AGA: variants seen among roughly 807,000 people sequenced by gnomAD.
AGA encodes the protein N(4)-(beta-N-acetylglucosaminyl)-L-asparaginase.
AGA carries 31 observed loss-of-function variants against 40.1 expected under a neutral mutation model. That is an observed-to-expected ratio of 0.77 (90% confidence interval 0.58 to 1.04). The LOEUF is 1.04. Among genes scored for constraint, AGA ranks in the 50% least tolerant of loss-of-function variants. The pLI, the probability that AGA is intolerant of heterozygous loss-of-function variation, is 0.00. For synonymous variants in AGA, 148 were observed against 144.0 expected, an observed-to-expected ratio of 1.03 and a Z score of -0.20; for missense variants, 445 against 435.4, an observed-to-expected ratio of 1.02 and a Z score of -0.20.
At chr4:177,435,844 C>T (rs1041047779) in intron 6 of AGA, among the ~76,000 whole-genome samples, 14 of 27,858 alleles carry the variant, frequency 5.0e-4, no homozygotes, top group African/African-American at 1.0e-3. Context: ...AGTAGTTCTG[C>T]GTGCACGCAC....
Position 177,433,240 on chromosome 4 carries a change from A to T in AGA, c.914T>A (p.Ile305Lys), listed in dbSNP as rs373616948. The change falls in exon 8 of 9, where the codon ATA becomes AAA. Residue 305 changes from isoleucine (I) to lysine (K), a missense_variant. Coordinates refer to ENST00000264595, the MANE Select transcript of AGA (RefSeq NM_000027.4). ...GTAACTTCCAGTCACATTGGCACAT[A>T]TAACAGCCCCAAAGAATTCTGGAAA... ...KHFPEFFGAVICANVTGSYGA... is the reference protein window; with the variant it reads ...KHFPEFFGAVKCANVTGSYGA... The T allele has an allele frequency of 9.9e-6, 16 of 1,614,024 alleles. No homozygotes were observed. Among genetic ancestry groups the T allele is most frequent in the Non-Finnish European group, 1.3e-5 (15 of 1,180,002 alleles).
chr4:177,439,658 A>C lies in AGA; in HGVS notation c.312T>G (p.Asp104Glu), dbSNP rs1463151836. The C allele has an allele frequency of 6.2e-6, 10 of 1,610,782 alleles. No homozygotes were observed. The Admixed American group carries it at 1.5e-4, about 24-fold the overall frequency. The change falls in exon 3 of 9, where the codon GAT becomes GAG. Residue 104 changes from aspartate (D) to glutamate (E), a missense_variant. Coordinates refer to ENST00000264595, the MANE Select transcript of AGA (RefSeq NM_000027.4). ...GTTMDVGAVG[D>E]LRRIKNAIGV... ...CAATAGCATTTTTAATTCGTCTGAG[A>C]TCTCCTACTGCTCCTACATCCATAG...
chr4:177,435,943 AAC>A (rs916404197), intron 6 of AGA, among the ~76,000 whole-genome samples: 126 of 151,958 alleles, frequency 8.3e-4, no homozygotes, highest in African/African-American at 2.4e-4. Flanking sequence ...GGGAGCCCTG[AAC>A]ACACACACAC....
At chr4:177,437,993 T>G (rs1736879508) in intron 4 of AGA, among the ~76,000 whole-genome samples, 1 of 152,222 alleles carries the variant, frequency 6.6e-6, no homozygotes, top group South Asian at 2.1e-4. Flanking sequence ...AAGTTGTGCT[T>G]TAAGATTCCT....
In AGA at chr4:177,430,991, A is replaced by G. The variant is rs1382216293; in HGVS notation, c.*717T>C. On this transcript the variant is annotated 3_prime_UTR_variant, in exon 9 of 9. Transcript: ENST00000264595. The stretch of plus-strand genomic sequence containing the variant: ...CAAGGAATTAGTAAAATTACAGTAC[A>G]GATCAAGTTCCCCAAATCATTTTTA... The G allele has an allele frequency of 4.4e-6, 2 of 453,988 alleles. No homozygotes were observed. Among genetic ancestry groups the G allele is most frequent in the Non-Finnish European group, 8.8e-6 (2 of 226,790 alleles). The allele number at this position is 453,988 out of a possible 1,614,324, so 28.1% of individuals were successfully genotyped here.
chr4:177,432,307 C>G (rs768852050), intron 8 of AGA, among the ~76,000 whole-genome samples: 1 of 152,092 alleles, frequency 6.6e-6, no homozygotes, highest in Non-Finnish European at 1.5e-5. Context: ...GGAGGGTCCT[C>G]TTTGGTCATT....
intron 8 of AGA, among the ~76,000 whole-genome samples, chr4:177,432,459 T>C (rs1736662282): frequency 6.6e-6 from 1 of 152,212 alleles, no homozygotes; most frequent in African/African-American, 2.4e-5. Flanking sequence ...ATTTGATACA[T>C]AAAGCTTTTC....
At position 177,431,025 on chromosome 4, in the gene AGA, G is replaced by A. The variant is rs754218986; in HGVS notation, c.*683C>T. On this transcript the variant is annotated 3_prime_UTR_variant, in exon 9 of 9. Transcript: ENST00000264595. ...TCCCCAAATCATTTTTAAAAGAAAC[G>A]ATCAATACTAAATATTAGCAGCTAA... is the stretch of plus-strand genomic sequence containing the variant. The A allele has an allele frequency of 4.0e-5, 18 of 453,798 alleles. No homozygotes were observed. Among genetic ancestry groups the A allele is most frequent in the South Asian group, 7.8e-5 (5 of 64,470 alleles). 28.1% of individuals were successfully genotyped at this position (453,798 alleles called of 1,614,324 possible).
rs750098973 is a variant in AGA, at chr4:177,440,396, G to A, written c.158C>T (p.Ala53Val). Residue 53 changes from alanine to valine, a missense_variant, in exon 2 of 9, where the codon GCC (alanine) becomes GTC (valine). By Grantham distance (64) the Ala-to-Val change is moderately conservative (BLOSUM62 0). Coordinates refer to ENST00000264595, the MANE Select transcript of AGA (RefSeq NM_000027.4). ...AWRALASGGS[A>V]LDAVESGCAM... Reference sequence around the variant, plus strand: ...ACAGCCGCTCTCCACTGCATCCAGGGCAGAGCCTCCAGATGCTAATGCCCT... The same window carrying A: ...ACAGCCGCTCTCCACTGCATCCAGGACAGAGCCTCCAGATGCTAATGCCCT... 6.2e-7 allele frequency: 1 copy of A among 1,613,938 alleles called. No individual in the cohort carries two copies. Among genetic ancestry groups the A allele is most frequent in the Non-Finnish European group, 8.5e-7 (1 of 1,180,014 alleles).
In AGA at chr4:177,431,342, TA is replaced by T. The variant is rs1736625869; in HGVS notation, c.*365del. The T allele has an allele frequency of 6.7e-6, 3 of 449,466 alleles. No homozygotes were observed. Among genetic ancestry groups the T allele is most frequent in the Non-Finnish European group, 1.3e-5 (3 of 227,330 alleles). 27.8% of individuals were successfully genotyped at this position (449,466 alleles called of 1,614,324 possible). On this transcript the variant is annotated 3_prime_UTR_variant, in exon 9 of 9. Coordinates refer to ENST00000264595, the MANE Select transcript of AGA (RefSeq NM_000027.4). ...TTTTTCTTTGGGTCTAAAAAACTTG[TA>T]TACTCTATTTTAAGCATCCAAATAT... is the stretch of plus-strand genomic sequence containing the variant.
At chr4:177,433,732 G>A (rs2279932) in intron 7 of AGA, among the ~76,000 whole-genome samples, 76,744 of 152,032 alleles carry the variant, frequency 0.5, 21,958 homozygotes, top group Non-Finnish European at 0.66. Context: ...GGTGGTTAAA[G>A]GTACACGATG....
At chr4:177,442,082 T>C (rs1737039343) in intron 1 of AGA, among the ~76,000 whole-genome samples, 167 bp downstream of exon 1, 1 of 152,132 alleles carries the variant, frequency 6.6e-6, no homozygotes, top group Non-Finnish European at 1.5e-5. Context: ...TGCAAGAGAC[T>C]GAGCGGCGCT....
chr4:177,440,494 C>T, intron 1 of AGA, 68 bp from the exon 2 acceptor site: 1 of 1,531,024 alleles, frequency 6.5e-7, no homozygotes, highest in Non-Finnish European at 8.9e-7. Flanking sequence ...ATGCAACAAA[C>T]CAACTCCAAT....
chr4:177,434,039 A>G (rs948224942), intron 7 of AGA, among the ~76,000 whole-genome samples: 21 of 152,106 alleles, frequency 1.4e-4, no homozygotes, highest in Admixed American at 3.3e-4. Flanking sequence ...TGTTGCCCAC[A>G]CTGGAGTGCA....
At chr4:177,432,570 A>G (rs532248187) in intron 8 of AGA, among the ~76,000 whole-genome samples, 2 of 152,336 alleles carry the variant, frequency 1.3e-5, no homozygotes, top group South Asian at 4.1e-4. Context: ...GAAGTAAAAG[A>G]TCAAAGAACA....
rs1482369849 is a variant in AGA at position 177,438,802 on chromosome 4, A to C, written c.450T>G (p.Ala150=). The part of the protein sequence containing the change: ...GFINEDLSTT[A]SQALHSDWLA... Reference sequence around the variant, plus strand: ...GCCAATCTGAATGAAGAGCTTGAGAAGCAGTGGTAGATAAGTCTTCATTGA... The same window carrying C: ...GCCAATCTGAATGAAGAGCTTGAGACGCAGTGGTAGATAAGTCTTCATTGA... Residue 150 remains alanine, a synonymous_variant, in exon 4 of 9, where the codon GCT becomes GCG. Coordinates refer to ENST00000264595, the MANE Select transcript of AGA (RefSeq NM_000027.4). 4.3e-6 allele frequency: 7 copies of C among 1,612,246 alleles called. No individual in the cohort carries two copies. The highest frequency in any genetic ancestry group is 5.9e-6 in the Non-Finnish European group (7 of 1,178,236).
rs1736934298 is a variant in AGA at position 177,439,690 on chromosome 4, T to C, written c.282-2A>G. On this transcript the variant is annotated splice_acceptor_variant, in intron 2 of 8. Transcript: ENST00000264595. LOFTEE classifies it high-confidence loss of function. ...ACTGCTCCTACATCCATAGTAGTGC[T>C]GCAAGAAAATAGAATGCAGTTAGGA... 1 of 1,593,332 alleles carries C rather than the reference T, an allele frequency of 6.3e-7. No individual in the cohort carries two copies. Among genetic ancestry groups the C allele is most frequent in the Non-Finnish European group, 8.6e-7 (1 of 1,162,084 alleles).
At chr4:177,441,663 A>G (rs2111025671) in intron 1 of AGA, among the ~76,000 whole-genome samples, 1 of 152,296 alleles carries the variant, frequency 6.6e-6, no homozygotes, top group South Asian at 2.1e-4. Flanking sequence ...CCCTGATTCC[A>G]GCAGTTAGAT....
rs1560952790 is a variant in AGA at position 177,442,433 on chromosome 4, C to CAATT, written c.-62_-59dup. The CAATT allele has an allele frequency of 1.2e-6, 2 of 1,612,244 alleles. No homozygotes were observed. Among genetic ancestry groups the CAATT allele is most frequent in the Non-Finnish European group, 1.7e-6 (2 of 1,179,234 alleles). On this transcript the variant is annotated 5_prime_UTR_variant, in exon 1 of 9. Transcript: ENST00000264595. ...GTCCCGGCAGCCAGCGATCGCCGAA[C>CAATT]AATTAATCCCCAGTGCCCCGCCCGC...
Sources: gnomAD v4.1 joint callset for allele counts (sites outside exome capture counted in the v4.1 genomes callset) on GRCh38, gnomAD v4.1.1 for gene constraint, MANE v1.5 for transcripts, NCBI Gene and HGNC (gene_info 2026-07-23, HGNC 2026-07-21) for gene names.